NBAS: variants seen among roughly 807,000 people sequenced by gnomAD.
NBAS encodes the protein NAG/BC035112 fusion.
A neutral mutation model predicts 302.5 loss-of-function variants in NBAS; 219 were observed. That is an observed-to-expected ratio of 0.72 (90% CI 0.65 to 0.81). The LOEUF is 0.81. Among genes scored for constraint, NBAS ranks in the 30% least tolerant of loss-of-function variants. The pLI is 0.00. For synonymous variants in NBAS, 1,118 were observed against 1,021.6 expected, an observed-to-expected ratio of 1.09 and a Z score of -1.80; for missense variants, 2,932 against 2,841.6, an observed-to-expected ratio of 1.03 and a Z score of -0.72.
chr2:14,950,299 A>G, the NBAS span, among the ~76,000 whole-genome samples: 1 of 152,212 alleles, frequency 6.6e-6, no homozygotes, highest in Non-Finnish European at 1.5e-5. Context: ...TTCACTTAGA[A>G]TAATAGTCTC....
chr2:14,986,292 C>A, the NBAS span, among the ~76,000 whole-genome samples: 49 of 151,854 alleles, frequency 3.2e-4, no homozygotes, highest in African/African-American at 1.1e-3. Flanking sequence ...CATTATAATT[C>A]CCATACTAAT....
intron 21 of NBAS, among the ~76,000 whole-genome samples, chr2:15,454,648 G>A (rs991533384): frequency 2.0e-5 from 3 of 152,146 alleles, no homozygotes; most frequent in African/African-American, 4.8e-5. Flanking sequence ...CCGTGTGCAT[G>A]TACATTCCTC....
the NBAS span, among the ~76,000 whole-genome samples, chr2:15,117,727 A>G: frequency 6.6e-6 from 1 of 152,130 alleles, no homozygotes; most frequent in Non-Finnish European, 1.5e-5. Context: ...ACCTCTTCCC[A>G]TCCTTTGGAG....
intron 48 of NBAS, among the ~76,000 whole-genome samples, chr2:15,214,968 A>G (rs1400018578): frequency 1.3e-5 from 2 of 152,168 alleles, no homozygotes; most frequent in Non-Finnish European, 2.9e-5. Context: ...GTTCTTTTTT[A>G]CATAAAAATG....
At chr2:15,039,082 T>G in the NBAS span, among the ~76,000 whole-genome samples, 2 of 152,166 alleles carry the variant, frequency 1.3e-5, no homozygotes, top group South Asian at 2.1e-4. Flanking sequence ...GACATAAATC[T>G]GAATACACAC....
the NBAS span, among the ~76,000 whole-genome samples, chr2:14,785,456 T>C: frequency 1.3e-5 from 2 of 152,274 alleles, no homozygotes; most frequent in East Asian, 1.9e-4. Flanking sequence ...GGCTGTGGGT[T>C]TGTCATAGAT....
At chr2:15,501,988 ATTCT>A (rs1270124622) in intron 11 of NBAS, among the ~76,000 whole-genome samples, 1 of 152,176 alleles carries the variant, frequency 6.6e-6, no homozygotes, top group Non-Finnish European at 1.5e-5. Context: ...AAAATAGATA[ATTCT>A]TTCTAAGATA....
the NBAS span, among the ~76,000 whole-genome samples, chr2:14,954,877 G>C: frequency 6.6e-6 from 1 of 152,128 alleles, no homozygotes; most frequent in African/African-American, 2.4e-5. Context: ...TTTGGGTAGG[G>C]ACACAGCCAA....
At chr2:15,278,191 G>C (rs1203017042) in intron 42 of NBAS, among the ~76,000 whole-genome samples, 1 of 152,190 alleles carries the variant, frequency 6.6e-6, no homozygotes, top group African/African-American at 2.4e-5. Context: ...AGGGGAATGT[G>C]ACAACACTTG....
chr2:14,824,266 T>A, the NBAS span, among the ~76,000 whole-genome samples: 2 of 152,090 alleles, frequency 1.3e-5, no homozygotes, highest in Admixed American at 6.5e-5. Flanking sequence ...TCACAGGTAA[T>A]TTTCTCCCTT....
intron 21 of NBAS, among the ~76,000 whole-genome samples, chr2:15,438,875 G>A (rs1678175458): frequency 6.6e-6 from 1 of 152,160 alleles, no homozygotes; most frequent in South Asian, 2.1e-4. Flanking sequence ...CCAACCAAAG[G>A]AGCAGAAAGA....
the NBAS span, among the ~76,000 whole-genome samples, chr2:15,129,921 T>C: frequency 6.6e-6 from 1 of 152,246 alleles, no homozygotes; most frequent in African/African-American, 2.4e-5. Context: ...GCTTGTTATG[T>C]GTGTGTTAAA....
At chr2:15,252,137 A>G (rs1316203406) in intron 44 of NBAS, among the ~76,000 whole-genome samples, 3 of 152,244 alleles carry the variant, frequency 2.0e-5, no homozygotes, top group African/African-American at 7.2e-5. Context: ...ATTCACCAAG[A>G]TGACCTACAT....
At position 15,542,115 on chromosome 2, in the gene NBAS, G is replaced by A. The variant is rs1257771157; in HGVS notation, c.380-2759C>T. Among the ~76,000 whole-genome samples the A allele has an allele frequency of 2.9e-4, 24 of 83,778 alleles. 9 individuals are homozygous for A. The highest frequency in any genetic ancestry group is 6.0e-4 in the Non-Finnish European group (21 of 35,040). 55.0% of individuals were successfully genotyped at this position (83,778 alleles called of 152,430 possible). A position where few individuals can be genotyped will look rare whatever the true frequency, so the allele number is the denominator to read the frequency against. On this transcript the variant is annotated intron_variant, in intron 6 of 51. Transcript: ENST00000281513. ...AGCCCCTCTGCCTGGCCACCACCCC[G>A]TCTGGGAGGTGTACCCAACAGCTCA...
the NBAS span, among the ~76,000 whole-genome samples, chr2:14,779,314 C>T: frequency 3.3e-5 from 5 of 152,172 alleles, no homozygotes; most frequent in South Asian, 2.1e-4. Flanking sequence ...TTTGTTGCAG[C>T]GCTTGGCCCC....
the NBAS span, among the ~76,000 whole-genome samples, chr2:14,891,717 C>A: frequency 3.9e-5 from 6 of 152,288 alleles, no homozygotes; most frequent in African/African-American, 1.4e-4. Flanking sequence ...CAGGCCCATG[C>A]GTTTCCCCTC....
chr2:15,464,155 G>A (rs1679627452), intron 19 of NBAS, among the ~76,000 whole-genome samples: 1 of 152,086 alleles, frequency 6.6e-6, no homozygotes, highest in African/African-American at 2.4e-5. Flanking sequence ...ACAAACTCAA[G>A]ACAACACAAT....
chr2:15,358,396 A>G (rs540596236), intron 32 of NBAS, among the ~76,000 whole-genome samples: 68 of 151,744 alleles, frequency 4.5e-4, no homozygotes, highest in South Asian at 4.2e-3. Flanking sequence ...GTGTGTGTGT[A>G]TGTGTGTGTG....
chr2:15,483,110 T>G (rs1489658538), intron 12 of NBAS, among the ~76,000 whole-genome samples: 2 of 152,206 alleles, frequency 1.3e-5, no homozygotes, highest in Non-Finnish European at 2.9e-5. Context: ...ACCACTAAAA[T>G]CTAAATATAA....
Sources: allele counts gnomAD v4.1 joint callset (sites outside exome capture counted in the v4.1 genomes callset), GRCh38; gene constraint gnomAD v4.1.1; transcripts MANE v1.5; gene names NCBI Gene and HGNC (gene_info 2026-07-23, HGNC 2026-07-21).